Variants in FAM98A observed in about 807,000 individuals in gnomAD.
FAM98A encodes protein FAM98A.
Under a neutral mutation model 62.9 loss-of-function variants are expected in FAM98A, and 25 were observed. The observed-to-expected ratio is 0.40, with a 90% CI of 0.29 to 0.56. The LOEUF is 0.56. Among genes scored for constraint, FAM98A ranks in the 20% least tolerant of loss-of-function variants. FAM98A has a pLI of 0.51. For missense variants in FAM98A, 653 were observed against 640.7 expected, an observed-to-expected ratio of 1.02 and a Z score of -0.21; for synonymous variants, 252 against 228.6, an observed-to-expected ratio of 1.10 and a Z score of -0.92.
In FAM98A at chr2:33,599,154, C is replaced by A; in HGVS notation, c.53+15G>T. ...CAGCGTGGGGCTTGGGAGACCCGTG[C>A]CCTGACAATCTTACCCTAGATCTTC... On this transcript the variant is annotated intron_variant, in intron 1 of 7. Transcript: ENST00000238823. 1 of 1,611,508 alleles carries A rather than the reference C, an allele frequency of 6.2e-7. No individual in the cohort carries two copies. Among genetic ancestry groups the A allele is most frequent in the South Asian group, 1.1e-5 (1 of 91,026 alleles).
At chr2:33,594,092 T>C (rs900646401) in intron 2 of FAM98A, among the ~76,000 whole-genome samples, 1 of 152,170 alleles carries the variant, frequency 6.6e-6, no homozygotes, top group Non-Finnish European at 1.5e-5. Context: ...TTGTTAAAGG[T>C]ATAACAGTAA....
chr2:33,585,906 A>T (rs1426890169), intron 6 of FAM98A, among the ~76,000 whole-genome samples: 1 of 152,224 alleles, frequency 6.6e-6, no homozygotes, highest in African/African-American at 2.4e-5. Context: ...CACAACAAGG[A>T]GTGACAGGGA....
At chr2:33,591,858 G>C (rs998774702) in intron 3 of FAM98A, 1 of 400,654 alleles carries the variant, frequency 2.5e-6, no homozygotes, top group Admixed American at 3.7e-5. Flanking sequence ...GTACCACTGA[G>C]GCTGAAATAT....
rs757218414 is a variant in FAM98A at position 33,595,527 on chromosome 2, A to G, written c.164T>C (p.Val55Ala). 3.1e-6 allele frequency: 5 copies of G among 1,608,360 alleles called. No individual in the cohort carries two copies. The highest frequency in any genetic ancestry group is 1.7e-4 in the Middle Eastern group (1 of 6,050). ...CACGTTTTCCTCTAGTTTACAGAGC[A>G]CTCTTAATTCAGACACCAGCCAAGC... ...LCAWLVSELRVLCKLEENVQA... is the reference protein window; with the variant it reads ...LCAWLVSELRALCKLEENVQA... Residue 55 changes from valine (V) to alanine (A), a missense_variant, in exon 2 of 8, where the codon GTG (valine) becomes GCG (alanine). Val to Ala is a moderately conservative substitution (Grantham distance 64, BLOSUM62 0). Transcript: ENST00000238823.
chr2:33,596,589 C>T (rs561708701), intron 1 of FAM98A, among the ~76,000 whole-genome samples: 6 of 152,092 alleles, frequency 3.9e-5, no homozygotes, highest in African/African-American at 1.4e-4. Context: ...AATAAATATG[C>T]TTAAGATAAT....
intron 2 of FAM98A, among the ~76,000 whole-genome samples, 192 bp from the exon 3 acceptor site, chr2:33,592,406 C>A (rs992641432): frequency 1.3e-5 from 2 of 151,908 alleles, no homozygotes; most frequent in Admixed American, 1.3e-4. Flanking sequence ...GTCTCTGAGG[C>A]CTAGGCTGGA....
At chr2:33,591,494 GAAGGA>G (rs1224667886) in intron 3 of FAM98A, among the ~76,000 whole-genome samples, 5 of 152,104 alleles carry the variant, frequency 3.3e-5, no homozygotes, top group Non-Finnish European at 5.9e-5. Context: ...AAAAAACATG[GAAGGA>G]AAGAACTTTT....
At chr2:33,591,042 A>G (rs758280949) in intron 3 of FAM98A, among the ~76,000 whole-genome samples, 21 of 152,196 alleles carry the variant, frequency 1.4e-4, no homozygotes, top group Non-Finnish European at 2.9e-4. Context: ...TATTAAATGA[A>G]TATGTAAGAA....
At chr2:33,589,230 C>G (rs1677621456) in intron 3 of FAM98A, 1 of 152,208 alleles carries the variant, frequency 6.6e-6, no homozygotes, top group African/African-American at 2.4e-5. Context: ...CCCTTTGTGT[C>G]AGTATCATCC....
rs1677578130 is a variant in FAM98A at position 33,587,329 on chromosome 2, A to C, written c.523-9T>G. The C allele has an allele frequency of 1.3e-6, 2 of 1,594,326 alleles. No individual in the cohort carries two copies. The highest frequency in any genetic ancestry group is 1.7e-6 in the Non-Finnish European group (2 of 1,162,400). On this transcript the variant is annotated splice_polypyrimidine_tract_variant and intron_variant, in intron 4 of 7. Transcript: ENST00000238823. ...GCTAATGTTTCCTTTAACTGACACA[A>C]AAACATAAATAAATGAATAAAAACT...
At position 33,584,833 on chromosome 2, in the gene FAM98A, A is replaced by G; in HGVS notation, c.1500T>C (p.His500=). The change falls in exon 8 of 8, where the codon CAT becomes CAC. Residue 500 remains histidine (H), a synonymous_variant. Transcript: ENST00000238823. ...QGGQFEQHFQ[H]GGYQYNHSGF... ...CAGAATGATTATACTGATAACCTCC[A>G]TGCTGGAAATGCTGTTCAAATTGAC... 1 of 1,614,102 alleles carries G rather than the reference A, an allele frequency of 6.2e-7. No individual in the cohort carries two copies. The highest frequency in any genetic ancestry group is 1.1e-5 in the South Asian group (1 of 91,074).
At chr2:33,592,736 T>C (rs1439409173) in intron 2 of FAM98A, among the ~76,000 whole-genome samples, 1 of 152,208 alleles carries the variant, frequency 6.6e-6, no homozygotes, top group Non-Finnish European at 1.5e-5. Flanking sequence ...AATGGTTCCC[T>C]AATTTCTCCC....
chr2:33,588,315 T>C lies in FAM98A; in HGVS notation c.522+20A>G. On this transcript the variant is annotated intron_variant, in intron 4 of 7. Coordinates refer to ENST00000238823, the MANE Select transcript of FAM98A (RefSeq NM_015475.5). The stretch of plus-strand genomic sequence containing the variant: ...GGACTATGCCTTTAATACACTACAA[T>C]TTGGTACTAAAGGTCTTACTTTTTT... 6.3e-7 allele frequency: 1 copy of C among 1,589,724 alleles called. No individual in the cohort carries two copies. The highest frequency in any genetic ancestry group is 8.6e-7 in the Non-Finnish European group (1 of 1,162,332).
intron 1 of FAM98A, among the ~76,000 whole-genome samples, chr2:33,595,880 C>A (rs959317339): frequency 6.6e-6 from 1 of 150,780 alleles, no homozygotes; most frequent in Non-Finnish European, 1.5e-5. Flanking sequence ...AACAGAATTG[C>A]ATATACTACT....
At position 33,595,542 on chromosome 2, in the gene FAM98A, A is replaced by G; in HGVS notation, c.149T>C (p.Val50Ala). ...PEFTKLCAWL[V>A]SELRVLCKLE... ...TTTACAGAGCACTCTTAATTCAGAC[A>G]CCAGCCAAGCACAGAGTTTGGTAAA... Residue 50 changes from valine to alanine, a missense_variant, in exon 2 of 8, where the codon GTG becomes GCG. Transcript: ENST00000238823. 1 of 1,610,884 alleles carries G rather than the reference A, an allele frequency of 6.2e-7. No individual in the cohort carries two copies. The highest frequency in any genetic ancestry group is 2.2e-5 in the East Asian group (1 of 44,522).
chr2:33,589,110 G>C (rs1362145101), intron 3 of FAM98A: 1 of 152,178 alleles, frequency 6.6e-6, no homozygotes, highest in African/African-American at 2.4e-5. Context: ...GCTAATCAAA[G>C]AGAGCCCTCT....
At chr2:33,592,900 G>C (rs1677705472) in intron 2 of FAM98A, among the ~76,000 whole-genome samples, 1 of 152,138 alleles carries the variant, frequency 6.6e-6, no homozygotes, top group Non-Finnish European at 1.5e-5. Flanking sequence ...CCCATGAATA[G>C]CCAGTCTTAT....
intron 3 of FAM98A, among the ~76,000 whole-genome samples, chr2:33,590,986 G>C (rs1415267482): frequency 6.6e-6 from 1 of 152,116 alleles, no homozygotes; most frequent in East Asian, 1.9e-4. Context: ...AATCAGCTGA[G>C]TATACTGCTA....
At position 33,592,227 on chromosome 2, in the gene FAM98A, A is replaced by C; in HGVS notation, c.203-13T>G. 1.9e-6 allele frequency: 3 copies of C among 1,589,592 alleles called. No individual in the cohort carries two copies. Among genetic ancestry groups the C allele is most frequent in the Non-Finnish European group, 2.6e-6 (3 of 1,164,024 alleles). ...GCTTCACTCGGACCTTTTAAGAATTAAAATAATCTTATTTAATGATAGTGA... is the reference window on the plus strand; with the variant it reads ...GCTTCACTCGGACCTTTTAAGAATTCAAATAATCTTATTTAATGATAGTGA... On this transcript the variant is annotated splice_polypyrimidine_tract_variant and intron_variant, in intron 2 of 7. Transcript: ENST00000238823.
Sources: gnomAD v4.1 joint callset for allele counts (sites outside exome capture counted in the v4.1 genomes callset) on GRCh38, gnomAD v4.1.1 for gene constraint, MANE v1.5 for transcripts, NCBI Gene and HGNC (gene_info 2026-07-23, HGNC 2026-07-21) for gene names.